LYRM4: variants seen among roughly 807,000 people sequenced by gnomAD.
The protein encoded by LYRM4 is LYR motif containing 4.
Under a neutral mutation model 11.7 loss-of-function variants are expected in LYRM4, and 9 were observed. That is an observed-to-expected ratio of 0.77 (90% CI 0.46 to 1.34). LYRM4 has a LOEUF of 1.34. LYRM4 is among the 40% of genes most tolerant of loss of function. LYRM4 has a pLI of 0.00. For missense variants in LYRM4, 133 were observed against 112.5 expected (o/e 1.18, Z -0.82); for synonymous variants, 42 against 40.4 (o/e 1.04, Z -0.15).
At chr6:5,085,848 G>C in the LYRM4 span, 30 of 1,529,510 alleles carry the variant, frequency 2.0e-5, no homozygotes, top group African/African-American at 2.8e-5. Flanking sequence ...AGCTCGGCCC[G>C]GGCGGCTGCT....
chr6:5,085,700 A>T, the LYRM4 span: 1 of 1,547,526 alleles, frequency 6.5e-7, no homozygotes, highest in South Asian at 1.2e-5. Flanking sequence ...GAGCAGGAGG[A>T]GCTGCTGGAA....
chr6:5,082,933 C>T, the LYRM4 span, among the ~76,000 whole-genome samples: 1 of 152,210 alleles, frequency 6.6e-6, no homozygotes, highest in Non-Finnish European at 1.5e-5. Flanking sequence ...CCTTCCACCT[C>T]ACCTTCCTCA....
chr6:5,038,204 G>C, the LYRM4 span, among the ~76,000 whole-genome samples: 24 of 60,744 alleles, frequency 4.0e-4, 5 homozygotes, highest in Non-Finnish European at 6.0e-4. Flanking sequence ...CATCTCAGAC[G>C]ATGGGCGGCC....
chr6:5,061,631 T>G, the LYRM4 span, among the ~76,000 whole-genome samples: 4 of 152,176 alleles, frequency 2.6e-5, no homozygotes, highest in African/African-American at 9.7e-5. Context: ...ACCTGCATGG[T>G]GCAAGAACTA....
chr6:5,181,396 T>C (rs1256098055), intron 2 of LYRM4, among the ~76,000 whole-genome samples: 1 of 152,228 alleles, frequency 6.6e-6, no homozygotes, highest in African/African-American at 2.4e-5. Context: ...GTGTCGTCAA[T>C]GATTTCTTTT....
At chr6:5,080,078 T>A in the LYRM4 span, among the ~76,000 whole-genome samples, 11 of 152,212 alleles carry the variant, frequency 7.2e-5, no homozygotes, top group Non-Finnish European at 1.6e-4. Context: ...GTCCTCGACA[T>A]TGAAAAGAAC....
intron 2 of LYRM4, among the ~76,000 whole-genome samples, chr6:5,192,963 G>A (rs1760848652): frequency 6.6e-6 from 1 of 152,184 alleles, no homozygotes; most frequent in South Asian, 2.1e-4. Context: ...GAGGCAGATT[G>A]TAGTGAGCCA....
At chr6:5,252,784 T>A (rs964489660) in intron 1 of LYRM4, among the ~76,000 whole-genome samples, 1 of 152,164 alleles carries the variant, frequency 6.6e-6, no homozygotes. Flanking sequence ...AAGGATGTAT[T>A]TGGAGCTTCA....
chr6:5,221,182 A>C (rs1459566935), intron 1 of LYRM4, among the ~76,000 whole-genome samples: 1 of 151,966 alleles, frequency 6.6e-6, no homozygotes, highest in Non-Finnish European at 1.5e-5. Context: ...TGCCCCTTAC[A>C]TGCTGTATTC....
intron 1 of LYRM4, among the ~76,000 whole-genome samples, chr6:5,256,069 GGT>G (rs1764649774): frequency 6.6e-6 from 1 of 151,852 alleles, no homozygotes. Context: ...TGGCCCAAAA[GGT>G]TGGTCATGCC....
chr6:5,177,449 T>C (rs1032959356), intron 2 of LYRM4, among the ~76,000 whole-genome samples: 1 of 152,184 alleles, frequency 6.6e-6, no homozygotes, highest in African/African-American at 2.4e-5. Context: ...TGCCTGCCTC[T>C]CTAGGGGGCA....
chr6:5,093,743 G>A, the LYRM4 span, among the ~76,000 whole-genome samples: 2 of 152,320 alleles, frequency 1.3e-5, no homozygotes, highest in South Asian at 4.1e-4. Context: ...TAACCATTAC[G>A]TGCTGGCAGA....
the LYRM4 span, among the ~76,000 whole-genome samples, chr6:5,044,464 C>G: frequency 1.3e-5 from 2 of 152,176 alleles, no homozygotes; most frequent in Non-Finnish European, 2.9e-5. Flanking sequence ...GCTGGGAAAC[C>G]TCTTATCCTC....
intron 2 of LYRM4, among the ~76,000 whole-genome samples, chr6:5,162,562 T>C (rs573852990): frequency 6.6e-6 from 1 of 152,122 alleles, no homozygotes; most frequent in East Asian, 1.9e-4. Context: ...GAGATCTGTT[T>C]GCTCACATTT....
chr6:5,152,980 T>C (rs985617456), intron 2 of LYRM4, among the ~76,000 whole-genome samples: 1 of 152,234 alleles, frequency 6.6e-6, no homozygotes, highest in East Asian at 1.9e-4. Flanking sequence ...TTAAGGCCGC[T>C]GGGCTTGCAG....
chr6:5,111,238 T>G (rs1012820408), intron 2 of LYRM4, among the ~76,000 whole-genome samples: 3 of 152,240 alleles, frequency 2.0e-5, no homozygotes, highest in African/African-American at 7.2e-5. Context: ...CCATTACTTT[T>G]TGGATAATTA....
chr6:5,171,489 T>C (rs1382947435), intron 2 of LYRM4, among the ~76,000 whole-genome samples: 1 of 152,158 alleles, frequency 6.6e-6, no homozygotes, highest in East Asian at 1.9e-4. Context: ...CAAAAATAAA[T>C]GATTCCTGGT....
chr6:5,243,633 C>T (rs1225332287), intron 1 of LYRM4, among the ~76,000 whole-genome samples: 1 of 151,946 alleles, frequency 6.6e-6, no homozygotes, highest in Admixed American at 6.5e-5. Flanking sequence ...TTTGAGAGAC[C>T]GTGGGTTAAA....
At chr6:5,093,854 A>G in the LYRM4 span, among the ~76,000 whole-genome samples, 31 of 152,348 alleles carry the variant, frequency 2.0e-4, no homozygotes, top group African/African-American at 6.7e-4. Flanking sequence ...TGAAATGTCC[A>G]AGTCATTTCT....
Sources: allele counts gnomAD v4.1 joint callset (sites outside exome capture counted in the v4.1 genomes callset), GRCh38; gene constraint gnomAD v4.1.1; transcripts MANE v1.5; gene names NCBI Gene and HGNC (gene_info 2026-07-23, HGNC 2026-07-21).